TMEM233: variants seen among roughly 807,000 people sequenced by gnomAD.
TMEM233 encodes dispanin subfamily B member 2.
TMEM233 carries 6 observed loss-of-function variants against 11.2 expected under a neutral mutation model. The ratio of observed to expected loss-of-function variants is 0.54; its 90% CI spans 0.29 to 1.06. The LOEUF (loss-of-function observed/expected upper bound fraction) is 1.06, where lower values mean the gene tolerates loss of function less well. Ranked by LOEUF, TMEM233 falls within the 50% of genes least tolerant of loss-of-function variation. The pLI is 0.08. For synonymous variants in TMEM233, 59 were observed against 55.8 expected (o/e 1.06, Z -0.26); for missense variants, 127 against 144.7 (o/e 0.88, Z 0.63).
At chr12:119,625,212 G>A (rs1954726346) in intron 1 of TMEM233, among the ~76,000 whole-genome samples, 1 of 152,098 alleles carries the variant, frequency 6.6e-6, no homozygotes, top group Admixed American at 6.6e-5. Flanking sequence ...TATTTCTCTG[G>A]CTTGTAATTG....
chr12:119,653,573 T>A, the TMEM233 span, among the ~76,000 whole-genome samples: 12 of 151,894 alleles, frequency 7.9e-5, no homozygotes, highest in Non-Finnish European at 1.5e-4. Context: ...AATAGATTAA[T>A]AGGTGAAGAG....
the TMEM233 span, among the ~76,000 whole-genome samples, chr12:119,652,850 C>A: frequency 6.6e-6 from 1 of 152,104 alleles, no homozygotes; most frequent in Non-Finnish European, 1.5e-5. Context: ...AACTTAAACT[C>A]CTCAGTCTTT....
Position 119,641,719 on chromosome 12 carries a change from A to G in TMEM233, c.*1014A>G, listed in dbSNP as rs1441479867. The G allele has an allele frequency of 6.6e-6, 1 of 152,216 alleles. No individual in the cohort carries two copies. Among genetic ancestry groups the G allele is most frequent in the Non-Finnish European group, 1.5e-5 (1 of 68,030 alleles). 9.4% of individuals were successfully genotyped at this position (152,216 alleles called of 1,614,324 possible). A position where few individuals can be genotyped will look rare whatever the true frequency, so the allele number is the denominator to read the frequency against. ...GCACAAGGGGTGTGCCACTGGTGGT[A>G]CACAAGATAATTTTTAAGTAGTTTC... On this transcript the variant is annotated 3_prime_UTR_variant, in exon 3 of 3. Transcript: ENST00000426426.
intron 1 of TMEM233, among the ~76,000 whole-genome samples, chr12:119,604,692 A>G (rs995431175): frequency 3.3e-5 from 5 of 151,962 alleles, no homozygotes; most frequent in South Asian, 2.1e-4. Flanking sequence ...CTGGAGTGCA[A>G]TGGTGCAATC....
chr12:119,608,377 C>G (rs141484601), intron 1 of TMEM233, among the ~76,000 whole-genome samples: 1 of 152,188 alleles, frequency 6.6e-6, no homozygotes, highest in Non-Finnish European at 1.5e-5. Flanking sequence ...CAGACAGCAG[C>G]GACAATGTCT....
intron 2 of TMEM233, among the ~76,000 whole-genome samples, chr12:119,631,853 C>T (rs1276028526): frequency 6.6e-6 from 1 of 152,204 alleles, no homozygotes; most frequent in Non-Finnish European, 1.5e-5. Flanking sequence ...AACTGGATGA[C>T]CCACAGAATG....
the TMEM233 span, among the ~76,000 whole-genome samples, chr12:119,651,278 C>T: frequency 2.0e-4 from 30 of 152,322 alleles, no homozygotes; most frequent in African/African-American, 6.5e-4. Context: ...TTTGTGTATT[C>T]TTTGACCTCA....
intron 1 of TMEM233, among the ~76,000 whole-genome samples, chr12:119,626,863 A>G (rs1270604547): frequency 3.9e-5 from 6 of 152,246 alleles, no homozygotes; most frequent in African/African-American, 1.4e-4. Context: ...AGTCAATAAC[A>G]TATTTCTTGA....
At chr12:119,616,588 C>G (rs956010965) in intron 1 of TMEM233, among the ~76,000 whole-genome samples, 1 of 152,116 alleles carries the variant, frequency 6.6e-6, no homozygotes, top group African/African-American at 2.4e-5. Context: ...TACAAGGAGT[C>G]ACAGGGAGAA....
At chr12:119,616,003 G>A (rs925589275) in intron 1 of TMEM233, among the ~76,000 whole-genome samples, 4 of 152,120 alleles carry the variant, frequency 2.6e-5, no homozygotes, top group African/African-American at 4.8e-5. Flanking sequence ...CTTTCCCCCC[G>A]TGGGTATTTA....
At chr12:119,630,509 G>C (rs1263400048) in intron 2 of TMEM233, among the ~76,000 whole-genome samples, 1 of 152,186 alleles carries the variant, frequency 6.6e-6, no homozygotes, top group Non-Finnish European at 1.5e-5. Flanking sequence ...TGCCATTTTA[G>C]CACAAAAGCA....
At chr12:119,647,817 C>G (rs1455635715), downstream of TMEM233, among the ~76,000 whole-genome samples, 8 of 147,476 alleles carry the variant, frequency 5.4e-5, no homozygotes, top group Non-Finnish European at 1.0e-4. Context: ...ATGTTCCCCT[C>G]CCTGTGTCCA....
rs1593269580 is a variant in TMEM233, at chr12:119,594,963, T to C, written c.186+929T>C. Among the ~76,000 whole-genome samples, 1 of 152,266 alleles carries C rather than the reference T, an allele frequency of 6.6e-6. No individual in the cohort carries two copies. The highest frequency in any genetic ancestry group is 1.5e-5 in the Non-Finnish European group (1 of 68,002). Reference sequence around the variant, plus strand: ...CCTGCGCCCGGGGCTCTCCCGGGAATGAACTAGGGGATTCCACGCAACGTG... The same window carrying C: ...CCTGCGCCCGGGGCTCTCCCGGGAACGAACTAGGGGATTCCACGCAACGTG... On this transcript the variant is annotated intron_variant, in intron 1 of 2. Transcript: ENST00000426426. The surrounding 1 kb of genome is among the most constrained non-coding windows in gnomAD (Gnocchi z 5.6).
At chr12:119,644,151 A>C (rs921313244), downstream of TMEM233, among the ~76,000 whole-genome samples, 10 of 152,218 alleles carry the variant, frequency 6.6e-5, no homozygotes, top group African/African-American at 1.9e-4. Flanking sequence ...AGTCATTAAC[A>C]AACAGGTGTG....
chr12:119,629,215 G>T (rs1179416072), intron 1 of TMEM233, among the ~76,000 whole-genome samples: 1 of 152,170 alleles, frequency 6.6e-6, no homozygotes, highest in African/African-American at 2.4e-5. Context: ...TTTGAGACCA[G>T]CCTGGCCAAT....
intron 2 of TMEM233, among the ~76,000 whole-genome samples, chr12:119,639,599 G>T (rs1434939282): frequency 2.0e-5 from 3 of 151,802 alleles, no homozygotes; most frequent in Non-Finnish European, 4.4e-5. Flanking sequence ...TCCAGCCTGG[G>T]CAACAGAGCG....
downstream of TMEM233, among the ~76,000 whole-genome samples, chr12:119,646,449 G>A (rs1045219346): frequency 3.3e-5 from 5 of 152,108 alleles, no homozygotes. Flanking sequence ...TTGCAGTTCT[G>A]GAGGTCAGAA....
At chr12:119,628,926 T>G (rs1375199942) in intron 1 of TMEM233, among the ~76,000 whole-genome samples, 2 of 152,198 alleles carry the variant, frequency 1.3e-5, no homozygotes, top group Non-Finnish European at 2.9e-5. Context: ...AGTAAACAAA[T>G]GAGTGTGACT....
At chr12:119,614,013 C>G (rs1954468987) in intron 1 of TMEM233, among the ~76,000 whole-genome samples, 1 of 151,770 alleles carries the variant, frequency 6.6e-6, no homozygotes, top group South Asian at 2.1e-4. Flanking sequence ...GATAGGAGAG[C>G]CTGCAGGGGC....
Sources: gnomAD v4.1 joint callset for allele counts (sites outside exome capture counted in the v4.1 genomes callset) on GRCh38, gnomAD v4.1.1 for gene constraint, Gnocchi (gnomAD v3.1) non-coding constraint, MANE v1.5 for transcripts, NCBI Gene and HGNC (gene_info 2026-07-23, HGNC 2026-07-21) for gene names.